Variants in TMEM185B observed in about 807,000 individuals in gnomAD.
TMEM185B encodes ee3_2.
Under a neutral mutation model 26.2 loss-of-function variants are expected in TMEM185B, and 9 were observed. The observed-to-expected ratio is 0.34, with a 90% CI of 0.21 to 0.60. TMEM185B has a LOEUF of 0.60. Ranked by LOEUF, TMEM185B falls within the 20% of genes least tolerant of loss-of-function variation. The pLI is 0.80. For synonymous variants in TMEM185B, 204 were observed against 191.8 expected (o/e 1.06, Z -0.52); for missense variants, 392 against 447.9 (o/e 0.88, Z 1.13).
Position 120,222,578 on chromosome 2 carries a change from G to T in TMEM185B, c.399C>A (p.Gly133=). 1 of 1,536,476 alleles carries T rather than the reference G, an allele frequency of 6.5e-7. No homozygotes were observed. Among genetic ancestry groups the T allele is most frequent in the Non-Finnish European group, 8.7e-7 (1 of 1,147,030 alleles). ...GCTCCAGCGACCTATCGTGTCGAAAGCCCCAGACGCAGGCAGCCACGGACA... is the reference window on the plus strand; with the variant it reads ...GCTCCAGCGACCTATCGTGTCGAAATCCCCAGACGCAGGCAGCCACGGACA... The part of the protein sequence containing the change: ...SPVSVAACVW[G]FRHDRSLELE... Residue 133 remains glycine (G), a synonymous_variant, in exon 1 of 1, where the codon GGC becomes GGA. Coordinates refer to ENST00000426077, the MANE Select transcript of TMEM185B (RefSeq NM_024121.3).
chr2:120,222,443 G>A lies in TMEM185B; in HGVS notation c.534C>T (p.Leu178=). The A allele has an allele frequency of 2.0e-6, 3 of 1,536,196 alleles. No individual in the cohort carries two copies. The highest frequency in any genetic ancestry group is 1.7e-6 in the Non-Finnish European group (2 of 1,146,916). ...GGACGACCAGGCAAAGGAACGACAT[G>A]AGGATCCACAGGGGCACAAACACCA... The part of the protein sequence containing the change: ...WLVVFVPLWI[L]MSFLCLVVLY... Residue 178 remains leucine, a synonymous_variant, in exon 1 of 1, where the codon CTC becomes CTT. Transcript: ENST00000426077.
Position 120,218,863 on chromosome 2 carries a change from G to C in TMEM185B, c.*3061C>G, listed in dbSNP as rs899139644. Among the ~76,000 whole-genome samples the C allele has an allele frequency of 6.6e-6, 1 of 152,234 alleles. No individual in the cohort carries two copies. Among genetic ancestry groups the C allele is most frequent in the South Asian group, 2.1e-4 (1 of 4,832 alleles). On this transcript the variant is annotated 3_prime_UTR_variant, in exon 1 of 1. Coordinates refer to ENST00000426077, the MANE Select transcript of TMEM185B (RefSeq NM_024121.3). ...TTGAGAACCATTTTGTAATACTGAG[G>C]TCACGGAGTGACAGCCCCCTGTGTG...
Position 120,223,117 on chromosome 2 carries a change from A to G in TMEM185B, c.-141T>C, listed in dbSNP as rs971837598. On this transcript the variant is annotated 5_prime_UTR_variant, in exon 1 of 1. Transcript: ENST00000426077. ...GACGAATGCCGGGACGACCAGGAGG[A>G]GGTTCGGAGCGGCGAAGCGGAGAGG... 3.4e-6 allele frequency: 2 copies of G among 583,748 alleles called. No individual in the cohort carries two copies. Among genetic ancestry groups the G allele is most frequent in the Non-Finnish European group, 5.1e-6 (2 of 393,566 alleles). 36.2% of individuals were successfully genotyped at this position (583,748 alleles called of 1,614,324 possible).
chr2:120,223,149 C>G lies in TMEM185B; in HGVS notation c.-173G>C. ...GAGCGGCGAAGCGGAGAGGCCGGAA[C>G]ACGTGCACGCGCGGTCACGTGGCCC... On this transcript the variant is annotated 5_prime_UTR_variant, in exon 1 of 1. Transcript: ENST00000426077. The G allele has an allele frequency of 2.3e-6, 1 of 441,690 alleles. No homozygotes were observed. The highest frequency in any genetic ancestry group is 1.0e-4 in the South Asian group (1 of 9,936). The allele number at this position is 441,690 out of a possible 1,614,324, so 27.4% of individuals were successfully genotyped here.
At position 120,218,963 on chromosome 2, in the gene TMEM185B, G is replaced by C. The variant is rs1483235025; in HGVS notation, c.*2961C>G. On this transcript the variant is annotated 3_prime_UTR_variant, in exon 1 of 1. Coordinates refer to ENST00000426077, the MANE Select transcript of TMEM185B (RefSeq NM_024121.3). The stretch of plus-strand genomic sequence containing the variant: ...GCATGGCCATGTGTTGTGGCCAACA[G>C]AAAGTGAGCAGGGGCTGTATTTGTG... 6.6e-6 allele frequency among the ~76,000 whole-genome samples: 1 copy of C among 152,234 alleles called. No individual in the cohort carries two copies. Among genetic ancestry groups the C allele is most frequent in the Non-Finnish European group, 1.5e-5 (1 of 68,040 alleles).
chr2:120,222,234 A>C lies in TMEM185B; in HGVS notation c.743T>G (p.Val248Gly). The C allele has an allele frequency of 6.5e-7, 1 of 1,537,222 alleles. No homozygotes were observed. The highest frequency in any genetic ancestry group is 8.7e-7 in the Non-Finnish European group (1 of 1,147,090). Residue 248 changes from valine (V) to glycine (G), a missense_variant, in exon 1 of 1, where the codon GTC (valine) becomes GGC (glycine). Physicochemically the swap from Val to Gly is moderately radical, Grantham distance 109. Coordinates refer to ENST00000426077, the MANE Select transcript of TMEM185B (RefSeq NM_024121.3). ...HNTFSYVSIF[V>G]PLWLSLLTLM... Reference sequence around the variant, plus strand: ...AGTTAGTAAGGAAAGCCAAAGGGGGACAAATATGGAGACGTAGGAGAATGT... The same window carrying C: ...AGTTAGTAAGGAAAGCCAAAGGGGGCCAAATATGGAGACGTAGGAGAATGT...
rs1240620011 is a variant in TMEM185B at position 120,220,674 on chromosome 2, AG to A, written c.*1249del. On this transcript the variant is annotated 3_prime_UTR_variant, in exon 1 of 1. Coordinates refer to ENST00000426077, the MANE Select transcript of TMEM185B (RefSeq NM_024121.3). ...GAACCGGGAGGCGGAGGCTGCGGCG[AG>A]CTGAGATCAAGATTGTGCCATTGCA... Among the ~76,000 whole-genome samples, 10 of 152,222 alleles carry A rather than the reference AG, an allele frequency of 6.6e-5. No homozygotes were observed. The highest frequency in any genetic ancestry group is 2.4e-4 in the African/African-American group (10 of 41,448).
Position 120,218,267 on chromosome 2 carries a change from GA to G in TMEM185B, c.*3656del, listed in dbSNP as rs1279479847. On this transcript the variant is annotated 3_prime_UTR_variant, in exon 1 of 1. Coordinates refer to ENST00000426077, the MANE Select transcript of TMEM185B (RefSeq NM_024121.3). The stretch of plus-strand genomic sequence containing the variant: ...CTTAAGCTCATGGCAGACAGCTGAG[GA>G]AGTACTCGCAGCAGCAGGGGTGCAG... Among the ~76,000 whole-genome samples the G allele has an allele frequency of 6.6e-6, 1 of 152,206 alleles. No individual in the cohort carries two copies. The highest frequency in any genetic ancestry group is 1.5e-5 in the Non-Finnish European group (1 of 68,030).
In TMEM185B at chr2:120,221,999, G is replaced by A; in HGVS notation, c.978C>T (p.Ala326=). ...PKIAPIFGKK[A]RVVITQSPGK... The stretch of plus-strand genomic sequence containing the variant: ...CAGGGCTCTGGGTTATAACTACTCT[G>A]GCCTTCTTTCCAAATATTGGAGCAA... Residue 326 remains alanine, a synonymous_variant, in exon 1 of 1, where the codon GCC becomes GCT. Coordinates refer to ENST00000426077, the MANE Select transcript of TMEM185B (RefSeq NM_024121.3). 6.5e-7 allele frequency: 1 copy of A among 1,539,066 alleles called. No individual in the cohort carries two copies. Among genetic ancestry groups the A allele is most frequent in the South Asian group, 1.2e-5 (1 of 84,060 alleles).
rs1252675881 is a variant in TMEM185B, at chr2:120,222,633, A to T, written c.344T>A (p.Val115Asp). The T allele has an allele frequency of 2.6e-6, 4 of 1,536,450 alleles. No individual in the cohort carries two copies. Among genetic ancestry groups the T allele is most frequent in the Non-Finnish European group, 3.5e-6 (4 of 1,147,000 alleles). Reference sequence around the variant, plus strand: ...GGACACGAAGAAGAGAGGCATGAAGACCAGCAGCCAGAAGTGGGTGCCCCT... The same window carrying T: ...GGACACGAAGAAGAGAGGCATGAAGTCCAGCAGCCAGAAGTGGGTGCCCCT... The part of the protein sequence containing the change: ...VERGTHFWLL[V>D]FMPLFFVSPV... The change falls in exon 1 of 1, where the codon GTC becomes GAC. Residue 115 changes from valine to aspartate, a missense_variant. Transcript: ENST00000426077.
At position 120,223,197 on chromosome 2, in the gene TMEM185B, G is replaced by A. The variant is rs1411531762; in HGVS notation, c.-221C>T. 2.9e-6 allele frequency: 1 copy of A among 343,632 alleles called. No homozygotes were observed. The highest frequency in any genetic ancestry group is 2.1e-5 in the African/African-American group (1 of 46,826). 21.3% of individuals were successfully genotyped at this position (343,632 alleles called of 1,614,324 possible). Reference sequence around the variant, plus strand: ...CCCGGCCGGAAGCGCGCTGGGGTGTGGCGCGCGCGGGCACGGGCGGCGCGG... The same window carrying A: ...CCCGGCCGGAAGCGCGCTGGGGTGTAGCGCGCGCGGGCACGGGCGGCGCGG... On this transcript the variant is annotated 5_prime_UTR_variant, in exon 1 of 1. Transcript: ENST00000426077.
chr2:120,217,883 G>T lies in TMEM185B; in HGVS notation c.*4041C>A, dbSNP rs1479954551. ...TATCCTGGGTTGCGGGCTGGAAGAA[G>T]TATTAACAGTTGATGAAGCAGCTTG... On this transcript the variant is annotated 3_prime_UTR_variant, in exon 1 of 1. Coordinates refer to ENST00000426077, the MANE Select transcript of TMEM185B (RefSeq NM_024121.3). 6.6e-6 allele frequency among the ~76,000 whole-genome samples: 1 copy of T among 152,228 alleles called. No individual in the cohort carries two copies. The highest frequency in any genetic ancestry group is 1.5e-5 in the Non-Finnish European group (1 of 68,042).
Position 120,217,508 on chromosome 2 carries a change from T to A in TMEM185B, c.*4416A>T, listed in dbSNP as rs755019932. On this transcript the variant is annotated 3_prime_UTR_variant, in exon 1 of 1. Transcript: ENST00000426077. ...TCTGAAAAACATTTATTCATCCATTTGAAGACTATACATCCATTACATGTT... is the reference window on the plus strand; with the variant it reads ...TCTGAAAAACATTTATTCATCCATTAGAAGACTATACATCCATTACATGTT... Among the ~76,000 whole-genome samples, 1 of 152,264 alleles carries A rather than the reference T, an allele frequency of 6.6e-6. No homozygotes were observed. Among genetic ancestry groups the A allele is most frequent in the Non-Finnish European group, 1.5e-5 (1 of 68,050 alleles).
At position 120,220,158 on chromosome 2, in the gene TMEM185B, T is replaced by C. The variant is rs1688563258; in HGVS notation, c.*1766A>G. Among the ~76,000 whole-genome samples the C allele has an allele frequency of 6.6e-6, 1 of 152,202 alleles. No homozygotes were observed. Among genetic ancestry groups the C allele is most frequent in the Non-Finnish European group, 1.5e-5 (1 of 68,030 alleles). On this transcript the variant is annotated 3_prime_UTR_variant, in exon 1 of 1. Coordinates refer to ENST00000426077, the MANE Select transcript of TMEM185B (RefSeq NM_024121.3). ...TACAGAGCATGTTATTTTAATGTTT[T>C]ATATAGGGCAAAAATAGTGAATTTA...
At position 120,221,858 on chromosome 2, in the gene TMEM185B, T is replaced by G; in HGVS notation, c.*66A>C. On this transcript the variant is annotated 3_prime_UTR_variant, in exon 1 of 1. Transcript: ENST00000426077. ...TGAAGCCTGTTTCCATTTCCAGGTTTGGGATGAATGAACAAGAGGCGAAGG... is the reference window on the plus strand; with the variant it reads ...TGAAGCCTGTTTCCATTTCCAGGTTGGGGATGAATGAACAAGAGGCGAAGG... 1 of 1,278,378 alleles carries G rather than the reference T, an allele frequency of 7.8e-7. No individual in the cohort carries two copies. Among genetic ancestry groups the G allele is most frequent in the Non-Finnish European group, 1.0e-6 (1 of 953,378 alleles). The allele number at this position is 1,278,378 out of a possible 1,614,324, so 79.2% of individuals were successfully genotyped here.
rs1007021049 is a variant in TMEM185B, at chr2:120,222,997, T to C, written c.-21A>G. 4.3e-6 allele frequency: 6 copies of C among 1,400,876 alleles called. No individual in the cohort carries two copies. The highest frequency in any genetic ancestry group is 5.6e-6 in the Non-Finnish European group (6 of 1,080,930). 86.8% of individuals were successfully genotyped at this position (1,400,876 alleles called of 1,614,324 possible). ...TTCATGGCGGAGGCCGCCGCTTGCC[T>C]GCCCGGGCCTGCTCCCTCGCGACGC... On this transcript the variant is annotated 5_prime_UTR_variant, in exon 1 of 1. Transcript: ENST00000426077.
rs181800057 is a variant in TMEM185B at position 120,218,393 on chromosome 2, G to A, written c.*3531C>T. On this transcript the variant is annotated 3_prime_UTR_variant, in exon 1 of 1. Coordinates refer to ENST00000426077, the MANE Select transcript of TMEM185B (RefSeq NM_024121.3). ...GGTCCCTGTGGTGCAGCCCTGCCTG[G>A]GTTTCCAGCCACACAACTTCCCGGA... 1.3e-3 allele frequency among the ~76,000 whole-genome samples: 200 copies of A among 152,318 alleles called. No homozygotes were observed. Among genetic ancestry groups the A allele is most frequent in the African/African-American group, 4.7e-3 (195 of 41,568 alleles).
In TMEM185B at chr2:120,217,935, A is replaced by C. The variant is rs918050261; in HGVS notation, c.*3989T>G. ...CATTGCCTCTCTTTTCTCCTAGGGAAGGGATAAACCACTGTCTTTTTGTGA... is the reference window on the plus strand; with the variant it reads ...CATTGCCTCTCTTTTCTCCTAGGGACGGGATAAACCACTGTCTTTTTGTGA... On this transcript the variant is annotated 3_prime_UTR_variant, in exon 1 of 1. Transcript: ENST00000426077. 6.6e-6 allele frequency among the ~76,000 whole-genome samples: 1 copy of C among 152,172 alleles called. No homozygotes were observed. The highest frequency in any genetic ancestry group is 1.5e-5 in the Non-Finnish European group (1 of 68,018).
Position 120,222,210 on chromosome 2 carries a change from G to A in TMEM185B, c.767C>T (p.Thr256Ile). The change falls in exon 1 of 1, where the codon ACT becomes ATT. Residue 256 changes from threonine (T) to isoleucine (I), a missense_variant. By Grantham distance (89) the Thr-to-Ile change is moderately conservative (BLOSUM62 -1). Transcript: ENST00000426077. ...IFVPLWLSLL[T>I]LMATTFRRKG... ...TCGCCTAAATGTTGTGGCCATTAAA[G>A]TTAGTAAGGAAAGCCAAAGGGGGAC... The A allele has an allele frequency of 3.2e-6, 5 of 1,539,846 alleles. No homozygotes were observed. Among genetic ancestry groups the A allele is most frequent in the Non-Finnish European group, 4.4e-6 (5 of 1,147,686 alleles).
Sources: allele counts gnomAD v4.1 joint callset (sites outside exome capture counted in the v4.1 genomes callset), GRCh38; gene constraint gnomAD v4.1.1; transcripts MANE v1.5; gene names NCBI Gene and HGNC (gene_info 2026-07-23, HGNC 2026-07-21).